IGSF21: variants seen among roughly 807,000 people sequenced by gnomAD.
The protein encoded by IGSF21 is immunoglobulin superfamily member 21.
In IGSF21, 28 loss-of-function variants were observed where a neutral mutation model predicts 46.8. The observed-to-expected ratio is 0.60, with a 90% CI of 0.44 to 0.82. IGSF21 has a LOEUF of 0.82. IGSF21 is among the 40% of genes least tolerant of loss of function. The pLI, the probability that IGSF21 is intolerant of heterozygous loss-of-function variation, is 0.00. For synonymous variants in IGSF21, 284 were observed against 273.6 expected, an observed-to-expected ratio of 1.04 and a Z score of -0.38; for missense variants, 624 against 665.5, an observed-to-expected ratio of 0.94 and a Z score of 0.69.
intron 1 of IGSF21, chr1:18,112,262 A>G (rs1342639612): frequency 1.3e-5 from 2 of 152,152 alleles, no homozygotes; most frequent in African/African-American, 2.4e-5. Flanking sequence ...CATCCAACAA[A>G]TGCTTATTGT....
intron 1 of IGSF21, among the ~76,000 whole-genome samples, chr1:18,171,549 T>C (rs999295603): frequency 6.6e-6 from 1 of 152,210 alleles, no homozygotes; most frequent in African/African-American, 2.4e-5. Flanking sequence ...TGCTGCTCAC[T>C]AGCCACGAGT....
At chr1:18,300,481 C>T (rs140382200) in intron 3 of IGSF21, among the ~76,000 whole-genome samples, 2 of 152,306 alleles carry the variant, frequency 1.3e-5, no homozygotes, top group Non-Finnish European at 2.9e-5. Flanking sequence ...GATGAAATAG[C>T]CAGGCCAGCC....
chr1:18,367,401 A>G (rs1252941403), intron 6 of IGSF21, among the ~76,000 whole-genome samples: 1 of 152,098 alleles, frequency 6.6e-6, no homozygotes, highest in African/African-American at 2.4e-5. Context: ...ACTGAGGCTC[A>G]AGTTGGTAGA....
chr1:18,222,534 G>A (rs1373520179), intron 1 of IGSF21, among the ~76,000 whole-genome samples: 1 of 152,120 alleles, frequency 6.6e-6, no homozygotes, highest in Admixed American at 6.5e-5. Flanking sequence ...ATGAAGCCCT[G>A]GACCATGCTT....
At chr1:18,230,298 C>T (rs2084611512) in intron 2 of IGSF21, among the ~76,000 whole-genome samples, 1 of 152,186 alleles carries the variant, frequency 6.6e-6, no homozygotes. Flanking sequence ...GGAGACCCTC[C>T]TCTCTCCCCC....
At chr1:18,156,430 C>CA (rs1415117301) in intron 1 of IGSF21, among the ~76,000 whole-genome samples, 2 of 152,316 alleles carry the variant, frequency 1.3e-5, no homozygotes, top group Non-Finnish European at 1.5e-5. Flanking sequence ...TAAGGAAGCA[C>CA]AGCAAGTAGG....
At chr1:18,367,052 C>T (rs1032285560) in intron 6 of IGSF21, among the ~76,000 whole-genome samples, 4 of 152,164 alleles carry the variant, frequency 2.6e-5, no homozygotes, top group Non-Finnish European at 5.9e-5. Context: ...CCAGCAGCTC[C>T]TCCCTGAGCC....
intron 1 of IGSF21, among the ~76,000 whole-genome samples, chr1:18,116,976 A>G (rs995159648): frequency 6.6e-6 from 1 of 152,082 alleles, no homozygotes; most frequent in African/African-American, 2.4e-5. Flanking sequence ...GAAGCTGGGG[A>G]GGAGGATGGA....
At chr1:18,150,462 C>T (rs1234509425) in intron 1 of IGSF21, among the ~76,000 whole-genome samples, 2 of 152,140 alleles carry the variant, frequency 1.3e-5, no homozygotes, top group African/African-American at 4.8e-5. Flanking sequence ...TGAGTTCCTG[C>T]CGTGTGCAGT....
Position 18,368,235 on chromosome 1 carries a change from G to A in IGSF21, c.1015+2538G>A, listed in dbSNP as rs1407167918. Among the ~76,000 whole-genome samples the A allele has an allele frequency of 9.2e-5, 14 of 151,960 alleles. 1 individual carries two copies. The highest frequency in any genetic ancestry group is 7.9e-4 in the Admixed American group (12 of 15,268). ...GATATCACAAGCAGGGCCAGGCACAGTGTCTCACGCCTGTAATCCTAACAC... is the reference window on the plus strand; with the variant it reads ...GATATCACAAGCAGGGCCAGGCACAATGTCTCACGCCTGTAATCCTAACAC... On this transcript the variant is annotated intron_variant, in intron 6 of 9. Transcript: ENST00000251296.
In IGSF21 at chr1:18,365,523, G is replaced by T; in HGVS notation, c.841G>T (p.Ala281Ser). ...TGAGTTTCCCCGCTGGGTCCACAGC[G>T]CCGAGCCCACCTACTTCCTGCGCCA... The part of the protein sequence containing the change: ...SREFPRWVHS[A>S]EPTYFLRHSR... Residue 281 changes from alanine (A) to serine (S), a missense_variant, in exon 6 of 10, where the codon GCC becomes TCC. Transcript: ENST00000251296. The surrounding 1 kb of genome is among the most constrained non-coding windows in gnomAD (Gnocchi z 4.8). 6.2e-7 allele frequency: 1 copy of T among 1,613,972 alleles called. No homozygotes were observed. The highest frequency in any genetic ancestry group is 8.5e-7 in the Non-Finnish European group (1 of 1,180,030).
chr1:18,146,612 G>A (rs1481076646), intron 1 of IGSF21, among the ~76,000 whole-genome samples: 1 of 152,146 alleles, frequency 6.6e-6, no homozygotes, highest in Non-Finnish European at 1.5e-5. Flanking sequence ...TTTGGTCAAG[G>A]TAGTAGGAGA....
In IGSF21 at chr1:18,142,176, G is replaced by A. The variant is rs144658193; in HGVS notation, c.70+33978G>A. Among the ~76,000 whole-genome samples the A allele has an allele frequency of 2.9e-3, 447 of 152,266 alleles. 3 individuals carry two copies. Among genetic ancestry groups the A allele is most frequent in the African/African-American group, 9.8e-3 (406 of 41,564 alleles). On this transcript the variant is annotated intron_variant, in intron 1 of 9. Transcript: ENST00000251296. Reference sequence around the variant, plus strand: ...AGGAGAGAAGGTGAGAAACAAGCACGTGCTTCTCTTTCTCTAGCAATCCGT... The same window carrying A: ...AGGAGAGAAGGTGAGAAACAAGCACATGCTTCTCTTTCTCTAGCAATCCGT...
At chr1:18,363,048 T>G (rs529832292) in intron 5 of IGSF21, among the ~76,000 whole-genome samples, 15 of 152,300 alleles carry the variant, frequency 9.8e-5, no homozygotes, top group African/African-American at 3.6e-4. Flanking sequence ...CAGGGAAGCC[T>G]CATATATATG....
intron 3 of IGSF21, among the ~76,000 whole-genome samples, chr1:18,318,471 T>C (rs1268888213): frequency 6.6e-6 from 1 of 150,442 alleles, no homozygotes; most frequent in African/African-American, 2.5e-5. Flanking sequence ...CGTGCGTGTG[T>C]GTGTGTGTGT....
chr1:18,187,780 A>AT (rs1339392244), intron 1 of IGSF21, among the ~76,000 whole-genome samples: 2 of 150,688 alleles, frequency 1.3e-5, no homozygotes, highest in Non-Finnish European at 3.0e-5. Flanking sequence ...CAACATATGA[A>AT]TTTTTTCTGG....
intron 3 of IGSF21, among the ~76,000 whole-genome samples, chr1:18,325,492 T>G (rs1306767404): frequency 6.6e-6 from 1 of 152,068 alleles, no homozygotes; most frequent in Non-Finnish European, 1.5e-5. Context: ...TGGTTAGAAA[T>G]TCTCAGGGCC....
intron 1 of IGSF21, among the ~76,000 whole-genome samples, chr1:18,121,575 A>G (rs1409618072): frequency 1.3e-5 from 2 of 152,170 alleles, no homozygotes; most frequent in Non-Finnish European, 2.9e-5. Flanking sequence ...TCCCTGGCTC[A>G]TTCTCTAAAG....
intron 1 of IGSF21, among the ~76,000 whole-genome samples, chr1:18,169,628 C>G (rs2086715414): frequency 1.3e-5 from 2 of 152,224 alleles, no homozygotes; most frequent in South Asian, 4.1e-4. Flanking sequence ...CCCCTGCCCC[C>G]AGCCCAGGGT....
Sources: allele counts gnomAD v4.1 joint callset (sites outside exome capture counted in the v4.1 genomes callset), GRCh38; gene constraint gnomAD v4.1.1; non-coding constraint Gnocchi (gnomAD v3.1); transcripts MANE v1.5; gene names NCBI Gene and HGNC (gene_info 2026-07-23, HGNC 2026-07-21).